CCDC60: variants seen among roughly 807,000 people sequenced by gnomAD.
CCDC60 encodes coiled-coil domain-containing protein 60.
CCDC60 carries 54 observed loss-of-function variants against 63.5 expected under a neutral mutation model. The ratio of observed to expected loss-of-function variants is 0.85; its 90% CI spans 0.68 to 1.07. The LOEUF is 1.07. Among genes scored for constraint, CCDC60 ranks in the 50% least tolerant of loss-of-function variants. The probability of loss-of-function intolerance (pLI) is 0.00; values close to 1 mark genes in which losing one functional copy is unlikely to be tolerated. For synonymous variants in CCDC60, 206 were observed against 238.8 expected (o/e 0.86, Z 1.27); for missense variants, 651 against 684.3 (o/e 0.95, Z 0.54).
At chr12:119,345,510 A>G (rs1353647962) in intron 1 of CCDC60, among the ~76,000 whole-genome samples, 8 of 151,896 alleles carry the variant, frequency 5.3e-5, no homozygotes, top group African/African-American at 1.9e-4. Context: ...TCAAAAATAA[A>G]TAAATAAATA....
chr12:119,421,412 G>C (rs919534715), intron 1 of CCDC60, among the ~76,000 whole-genome samples: 3 of 152,154 alleles, frequency 2.0e-5, no homozygotes, highest in Admixed American at 6.5e-5. Flanking sequence ...TGGGATGGGG[G>C]TGCAGAATGG....
chr12:119,468,117 A>G (rs1258891363), intron 2 of CCDC60, among the ~76,000 whole-genome samples: 1 of 151,994 alleles, frequency 6.6e-6, no homozygotes, highest in African/African-American at 2.4e-5. Context: ...TACTAAAAAT[A>G]AAAATAAAAT....
At position 119,518,011 on chromosome 12, in the gene CCDC60, G is replaced by A. The variant is rs554219782; in HGVS notation, c.968+1304G>A. On this transcript the variant is annotated intron_variant, in intron 8 of 13. Transcript: ENST00000327554. ...TTCAGCCCACTGGGATGCCAACTAT[G>A]ACTTATTGGTTATTGTTATTACCAC... Among the ~76,000 whole-genome samples the A allele has an allele frequency of 7.9e-5, 12 of 152,248 alleles. 1 individual carries two copies. In the South Asian group the frequency reaches 2.5e-3, roughly 32 times the overall value.
chr12:119,349,441 A>T (rs10744738), intron 1 of CCDC60, among the ~76,000 whole-genome samples: 1 of 150,566 alleles, frequency 6.6e-6, no homozygotes, highest in African/African-American at 2.5e-5. Context: ...TGCCTCCCAG[A>T]TTCAAGCAAT....
intron 2 of CCDC60, among the ~76,000 whole-genome samples, chr12:119,438,159 T>C (rs1950364116): frequency 6.6e-6 from 1 of 152,232 alleles, no homozygotes; most frequent in Non-Finnish European, 1.5e-5. Context: ...ACACCTGTAG[T>C]TAACCATAGT....
intron 1 of CCDC60, among the ~76,000 whole-genome samples, chr12:119,422,031 A>G (rs1319883263): frequency 6.6e-6 from 1 of 152,232 alleles, no homozygotes; most frequent in African/African-American, 2.4e-5. Flanking sequence ...ACACGACATC[A>G]CATGGTGTTT....
chr12:119,365,968 C>A (rs943571317), intron 1 of CCDC60, among the ~76,000 whole-genome samples: 1 of 152,142 alleles, frequency 6.6e-6, no homozygotes, highest in Admixed American at 6.5e-5. Context: ...TGAAAACATC[C>A]AGGCTTCCCA....
At chr12:119,516,555 C>T (rs1952359358) in intron 7 of CCDC60, 68 bp from the exon 8 acceptor site, 2 of 1,120,588 alleles carry the variant, frequency 1.8e-6, no homozygotes, top group South Asian at 1.3e-5. Flanking sequence ...GGGGGCTGCA[C>T]CCTGTTCTGC....
intron 7 of CCDC60, among the ~76,000 whole-genome samples, chr12:119,507,821 C>G (rs1346986773): frequency 6.6e-6 from 1 of 151,448 alleles, no homozygotes; most frequent in Non-Finnish European, 1.5e-5. Context: ...AACTGAGTTA[C>G]TTGAGTACCT....
At chr12:119,389,310 G>A (rs1221817325) in intron 1 of CCDC60, among the ~76,000 whole-genome samples, 1 of 152,186 alleles carries the variant, frequency 6.6e-6, no homozygotes, top group African/African-American at 2.4e-5. Context: ...TATAAATAAA[G>A]TTATACTGGA....
chr12:119,398,850 C>G (rs1956334897), intron 1 of CCDC60, among the ~76,000 whole-genome samples: 1 of 152,180 alleles, frequency 6.6e-6, no homozygotes, highest in African/African-American at 2.4e-5. Flanking sequence ...CCAGAATTGT[C>G]TTAACAGACA....
At chr12:119,376,332 G>C (rs1162448941) in intron 1 of CCDC60, among the ~76,000 whole-genome samples, 1 of 152,136 alleles carries the variant, frequency 6.6e-6, no homozygotes, top group African/African-American at 2.4e-5. Context: ...CAATTAACCA[G>C]AATGAAGAAA....
chr12:119,461,290 C>T (rs964875084), intron 2 of CCDC60, among the ~76,000 whole-genome samples: 2 of 152,156 alleles, frequency 1.3e-5, no homozygotes, highest in East Asian at 3.9e-4. Flanking sequence ...AATATTTTCC[C>T]CATTTGAAGA....
intron 1 of CCDC60, among the ~76,000 whole-genome samples, chr12:119,391,622 C>G (rs1956160465): frequency 6.6e-6 from 1 of 152,228 alleles, no homozygotes; most frequent in Non-Finnish European, 1.5e-5. Context: ...AATGTGCATG[C>G]TGCAGAGTAA....
At chr12:119,533,164 AC>A (rs1438795799) in intron 13 of CCDC60, among the ~76,000 whole-genome samples, 1 of 152,166 alleles carries the variant, frequency 6.6e-6, no homozygotes, top group African/African-American at 2.4e-5. Flanking sequence ...TTATCTAATG[AC>A]CAGTGATGAT....
intron 1 of CCDC60, among the ~76,000 whole-genome samples, chr12:119,366,559 T>C (rs1378549711): frequency 6.6e-6 from 1 of 152,160 alleles, no homozygotes; most frequent in Non-Finnish European, 1.5e-5. Flanking sequence ...AAACCCCACT[T>C]TGACACACAC....
At chr12:119,453,392 T>C (rs1026798773) in intron 2 of CCDC60, among the ~76,000 whole-genome samples, 1 of 152,196 alleles carries the variant, frequency 6.6e-6, no homozygotes, top group African/African-American at 2.4e-5. Flanking sequence ...GAAAACCATT[T>C]AAAATAATTA....
chr12:119,486,638 G>A (rs1951446710), intron 4 of CCDC60, among the ~76,000 whole-genome samples: 1 of 152,204 alleles, frequency 6.6e-6, no homozygotes, highest in Non-Finnish European at 1.5e-5. Context: ...AGGGAAGAAA[G>A]GAAAGAGAGT....
At chr12:119,505,806 G>C (rs1195805328) in intron 7 of CCDC60, among the ~76,000 whole-genome samples, 1 of 152,170 alleles carries the variant, frequency 6.6e-6, no homozygotes, top group Non-Finnish European at 1.5e-5. Context: ...AGTGAGCTGA[G>C]ATCATGCCAC....
Sources: allele counts gnomAD v4.1 joint callset (sites outside exome capture counted in the v4.1 genomes callset), GRCh38; gene constraint gnomAD v4.1.1; transcripts MANE v1.5; gene names NCBI Gene and HGNC (gene_info 2026-07-23, HGNC 2026-07-21).